The following STAB2 variants were observed in gnomAD, a reference collection of about 807,000 sequenced individuals.
STAB2 encodes the protein stabilin-2.
Under a neutral mutation model 338.1 loss-of-function variants are expected in STAB2, and 288 were observed. The ratio of observed to expected loss-of-function variants is 0.85; its 90% CI spans 0.77 to 0.94. The LOEUF is 0.94. Ranked by LOEUF, STAB2 falls within the 40% of genes least tolerant of loss-of-function variation. STAB2 has a pLI of 0.00. For missense variants in STAB2, 3,141 were observed against 3,210.1 expected (o/e 0.98, Z 0.52); for synonymous variants, 1,202 against 1,193.3 (o/e 1.01, Z -0.15).
At chr12:103,733,837 AAGCATGATCATATGAGAGC>A (rs1357221228) in intron 51 of STAB2, among the ~76,000 whole-genome samples, 2 of 150,480 alleles carry the variant, frequency 1.3e-5, no homozygotes, top group African/African-American at 2.4e-5. Context: ...TCACAGCAGC[AAGCATGATCATATGAGAGC>A]AGCATGATCA....
In STAB2 at chr12:103,606,560, A is replaced by G. The variant is rs549024108; in HGVS notation, c.331+12050A>G. Among the ~76,000 whole-genome samples the G allele has an allele frequency of 9.6e-4, 146 of 152,120 alleles. 4 individuals carry two copies. The South Asian group carries it at 0.029, about 30-fold the overall frequency. ...AGTGATTAATTCTTCTACCTTTCGT[A>G]TGTCTGAAAAAGTCCTTATCTTGCC... On this transcript the variant is annotated intron_variant, in intron 3 of 68. Coordinates refer to ENST00000388887, the MANE Select transcript of STAB2 (RefSeq NM_017564.10).
chr12:103,685,465 T>TGTGTGTGTGTGTGTGTGC (rs1877339014), intron 27 of STAB2, among the ~76,000 whole-genome samples: 2 of 141,396 alleles, frequency 1.4e-5, no homozygotes, highest in East Asian at 2.4e-4. Context: ...CGCGTGCGTG[T>TGTGTGTGTGTGTGTGTGC]GTGTGTGCGT....
At chr12:103,705,904 C>CTGT (rs1292471887) in intron 37 of STAB2, among the ~76,000 whole-genome samples, 177 bp downstream of exon 37, 1 of 152,096 alleles carries the variant, frequency 6.6e-6, no homozygotes, top group Non-Finnish European at 1.5e-5. Flanking sequence ...CAGAACAGCT[C>CTGT]TGTAATCCAG....
At chr12:103,682,192 T>C (rs1405486385) in intron 25 of STAB2, among the ~76,000 whole-genome samples, 1 of 152,110 alleles carries the variant, frequency 6.6e-6, no homozygotes, top group African/African-American at 2.4e-5. Context: ...GGTCTCTTTG[T>C]GGTGTTCTAT....
At position 103,674,957 on chromosome 12, in the gene STAB2, A is replaced by T. The variant is rs573889685; in HGVS notation, c.2552+870A>T. Among the ~76,000 whole-genome samples the T allele has an allele frequency of 2.0e-5, 3 of 152,338 alleles. No individual in the cohort carries two copies. The South Asian group carries it at 6.2e-4, about 32-fold the overall frequency. On this transcript the variant is annotated intron_variant, in intron 23 of 68. Transcript: ENST00000388887. The stretch of plus-strand genomic sequence containing the variant: ...GCATAAGGCAAAACTACATGTAATC[A>T]ACATTACCGCTGAAACCTATGAAAT...
chr12:103,755,278 A>T, intron 61 of STAB2, 24 bp from the exon 62 acceptor site: 5 of 1,611,114 alleles, frequency 3.1e-6, no homozygotes, highest in Non-Finnish European at 4.2e-6. Context: ...CAGCTGACCC[A>T]TGGCCCTGTC....
intron 39 of STAB2, among the ~76,000 whole-genome samples, chr12:103,708,832 C>T (rs934584521): frequency 1.3e-5 from 2 of 152,118 alleles, no homozygotes; most frequent in African/African-American, 4.8e-5. Flanking sequence ...TGTCTAGTAA[C>T]CTACTTTTCC....
At chr12:103,663,129 C>A (rs901587760) in intron 18 of STAB2, 131 bp downstream of exon 18, 2 of 1,158,458 alleles carry the variant, frequency 1.7e-6, no homozygotes, top group South Asian at 1.6e-5. Flanking sequence ...AAAGGGCTTC[C>A]GTCTTCATGA....
At chr12:103,725,532 G>A (rs1474363832) in intron 45 of STAB2, among the ~76,000 whole-genome samples, 1 of 152,196 alleles carries the variant, frequency 6.6e-6, no homozygotes, top group Non-Finnish European at 1.5e-5. Context: ...GGATTGCAGT[G>A]TGTGCATGTG....
intron 64 of STAB2, among the ~76,000 whole-genome samples, chr12:103,758,843 G>T (rs1238753084): frequency 1.3e-5 from 2 of 152,026 alleles, no homozygotes; most frequent in South Asian, 4.1e-4. Context: ...AGCCCCACCA[G>T]CCACCTGAGG....
At chr12:103,684,261 C>G (rs1224416230) in intron 26 of STAB2, among the ~76,000 whole-genome samples, 1 of 152,212 alleles carries the variant, frequency 6.6e-6, no homozygotes, top group East Asian at 1.9e-4. Context: ...AGGAAAGGAT[C>G]TAACTGGCCC....
chr12:103,662,490 A>T (rs1237399169), intron 17 of STAB2, among the ~76,000 whole-genome samples: 2 of 152,222 alleles, frequency 1.3e-5, no homozygotes, highest in African/African-American at 4.8e-5. Flanking sequence ...AGGTCAATAA[A>T]TGTATTCAAA....
intron 27 of STAB2, among the ~76,000 whole-genome samples, chr12:103,685,482 A>ATG (rs146056950): frequency 3.6e-4 from 48 of 132,948 alleles, no homozygotes; most frequent in East Asian, 3.3e-3. Flanking sequence ...GCGTGCGCGC[A>ATG]TGTGTGTGTG....
chr12:103,702,309 T>TC (rs60804409), intron 34 of STAB2, among the ~76,000 whole-genome samples: 1 of 146,892 alleles, frequency 6.8e-6, no homozygotes, highest in Non-Finnish European at 1.5e-5. Context: ...TTTTTTTTTT[T>TC]GAGACGGAGT....
rs1879414381 is a variant in STAB2 at position 103,706,914 on chromosome 12, G to C, written c.4119G>C (p.Glu1373Asp). The C allele has an allele frequency of 6.2e-7, 1 of 1,614,140 alleles. No homozygotes were observed. The highest frequency in any genetic ancestry group is 1.7e-5 in the Admixed American group (1 of 60,012). Residue 1373 changes from glutamate (E) to aspartate (D), a missense_variant, in exon 38 of 69, where the codon GAG becomes GAC. Physicochemically the swap from Glu to Asp is conservative, Grantham distance 45 (BLOSUM62 2). Coordinates refer to ENST00000388887, the MANE Select transcript of STAB2 (RefSeq NM_017564.10). ...GAGTGAATGGCACAGGTGTGTGTGAGTGTGGGGAGGGCTTCAGCGGCACAG... is the reference window on the plus strand; with the variant it reads ...GAGTGAATGGCACAGGTGTGTGTGACTGTGGGGAGGGCTTCAGCGGCACAG... The part of the protein sequence containing the change: ...LDGVNGTGVC[E>D]CGEGFSGTAC...
chr12:103,709,341 G>A (rs1428338732), intron 39 of STAB2, among the ~76,000 whole-genome samples: 1 of 152,224 alleles, frequency 6.6e-6, no homozygotes, highest in Non-Finnish European at 1.5e-5. Flanking sequence ...GGAGCAGTGG[G>A]CAGGCGCCGG....
At chr12:103,627,786 G>A (rs188847656) in intron 5 of STAB2, among the ~76,000 whole-genome samples, 1 of 152,308 alleles carries the variant, frequency 6.6e-6, no homozygotes, top group Non-Finnish European at 1.5e-5. Context: ...TTGCATCTGA[G>A]TTGGGAGCAG....
Position 103,702,093 on chromosome 12 carries a change from G to A in STAB2, c.3715-1055G>A, listed in dbSNP as rs537065809. Among the ~76,000 whole-genome samples, 12 of 147,982 alleles carry A rather than the reference G, an allele frequency of 8.1e-5. No individual in the cohort carries two copies. In the Middle Eastern group the frequency reaches 0.011, roughly 130 times the overall value. ...GTGTTATATTAATGAATGAATCCAT[G>A]GCTTCATTTATTTTTCATTGATTAC... On this transcript the variant is annotated intron_variant, in intron 34 of 68. Transcript: ENST00000388887.
intron 52 of STAB2, among the ~76,000 whole-genome samples, chr12:103,736,361 G>A (rs917169425): frequency 3.3e-5 from 5 of 152,154 alleles, no homozygotes; most frequent in African/African-American, 1.2e-4. Context: ...CCTTCAAGGA[G>A]GATTCCAACA....
Sources: gnomAD v4.1 joint callset for allele counts (sites outside exome capture counted in the v4.1 genomes callset) on GRCh38, gnomAD v4.1.1 for gene constraint, MANE v1.5 for transcripts, NCBI Gene and HGNC (gene_info 2026-07-23, HGNC 2026-07-21) for gene names.